The following MTIF2 variants were observed in gnomAD, a reference collection of about 807,000 sequenced individuals.
MTIF2 encodes the protein mitochondrial translational initiation factor 2, also known as translation initiation factor IF-2, mitochondrial.
Under a neutral mutation model 83.5 loss-of-function variants are expected in MTIF2, and 71 were observed. The observed-to-expected ratio is 0.85, with a 90% CI of 0.70 to 1.04. The LOEUF is 1.04. Ranked by LOEUF, MTIF2 falls within the 50% of genes least tolerant of loss-of-function variation. The probability of loss-of-function intolerance (pLI) is 0.00; values close to 1 mark genes in which losing one functional copy is unlikely to be tolerated. For synonymous variants in MTIF2, 319 were observed against 287.1 expected (o/e 1.11, Z -1.12); for missense variants, 957 against 846.5 (o/e 1.13, Z -1.62).
chr2:55,256,242 C>T (rs1465021282), intron 5 of MTIF2, among the ~76,000 whole-genome samples: 2 of 151,486 alleles, frequency 1.3e-5, no homozygotes, highest in Non-Finnish European at 2.9e-5. Context: ...GAATCCACAC[C>T]TAAAATAAAT....
intron 6 of MTIF2, 44 bp from the exon 7 acceptor site, chr2:55,254,245 A>C (rs1573894090): frequency 1.3e-5 from 21 of 1,593,384 alleles, no homozygotes; most frequent in Non-Finnish European, 1.6e-5. Context: ...AATATCAGAA[A>C]TACTTTATAG....
rs1676521781 is a variant in MTIF2, at chr2:55,244,123, G to A, written c.1217C>T (p.Thr406Ile). 2 of 1,614,054 alleles carry A rather than the reference G, an allele frequency of 1.2e-6. No homozygotes were observed. The highest frequency in any genetic ancestry group is 8.5e-7 in the Non-Finnish European group (1 of 1,179,986). Residue 406 changes from threonine (T) to isoleucine (I), a missense_variant, in exon 11 of 16, where the codon ACA becomes ATA. Thr to Ile is a moderately conservative substitution (Grantham distance 89). Around this residue, in one of 3 missense-constraint regions of MTIF2, gnomAD observed 733 missense variants for 648.7 expected, o/e 1.13. Coordinates refer to ENST00000263629, the MANE Select transcript of MTIF2 (RefSeq NM_002453.3). ...VRLMFDENGKTIDEAYPSMPV... is the reference protein window; with the variant it reads ...VRLMFDENGKIIDEAYPSMPV... ...CATGCTGGGATAGGCCTCATCAATT[G>A]TTTTTCCATTTTCATCAAACATTAA...
At chr2:55,251,302 T>C (rs919550411) in intron 8 of MTIF2, among the ~76,000 whole-genome samples, 3 of 152,058 alleles carry the variant, frequency 2.0e-5, no homozygotes, top group Non-Finnish European at 4.4e-5. Flanking sequence ...CTAGAATCAT[T>C]AAGAACATAG....
chr2:55,247,354 C>G (rs545234106), intron 9 of MTIF2, among the ~76,000 whole-genome samples: 2 of 152,238 alleles, frequency 1.3e-5, no homozygotes, highest in African/African-American at 4.8e-5. Context: ...GTTAGGAGTT[C>G]AAGACCAGCC....
chr2:55,263,008 T>G (rs1678153168), intron 4 of MTIF2, among the ~76,000 whole-genome samples: 1 of 152,236 alleles, frequency 6.6e-6, no homozygotes, highest in Admixed American at 6.5e-5. Context: ...ATTACAGGCG[T>G]GAGCCACCAC....
At chr2:55,256,322 ACAC>A (rs772633158) in intron 5 of MTIF2, among the ~76,000 whole-genome samples, 3 of 148,600 alleles carry the variant, frequency 2.0e-5, no homozygotes, top group African/African-American at 7.9e-5. Context: ...ACACACACAC[ACAC>A]ACAATATATA....
At chr2:55,249,849 T>C (rs528217966) in intron 8 of MTIF2, among the ~76,000 whole-genome samples, 1 of 152,174 alleles carries the variant, frequency 6.6e-6, no homozygotes, top group South Asian at 2.1e-4. Context: ...CCTAGCACTT[T>C]GGGAAGCTGA....
intron 1 of MTIF2, 111 bp downstream of exon 1, chr2:55,269,058 C>T (rs1279078176): frequency 1.3e-5 from 2 of 152,254 alleles, no homozygotes; most frequent in Non-Finnish European, 2.9e-5. Flanking sequence ...TCCGAACGCA[C>T]AATGTTTATG....
chr2:55,254,703 T>A lies in MTIF2; in HGVS notation c.454A>T (p.Ser152Cys), dbSNP rs1229543498. The change falls in exon 6 of 16, where the codon AGT becomes TGT. Residue 152 changes from serine (S) to cysteine (C), a missense_variant. Coordinates refer to ENST00000263629, the MANE Select transcript of MTIF2 (RefSeq NM_002453.3). ...CTGACTTTGTCCTGTTTTAATTTAC[T>A]CCACTTTAACTTCATCCCTGCCTTC... ...ITKAGMKLKW[S>C]KLKQDKVRKN... 6.2e-7 allele frequency: 1 copy of A among 1,608,984 alleles called. No individual in the cohort carries two copies. The highest frequency in any genetic ancestry group is 1.7e-5 in the Admixed American group (1 of 58,994).
intron 8 of MTIF2, 132 bp downstream of exon 8, chr2:55,252,342 AATT>A: frequency 5.3e-6 from 4 of 759,760 alleles, no homozygotes; most frequent in Non-Finnish European, 8.4e-6. Context: ...GTGGGAAAAC[AATT>A]TATCTTTGAG....
At chr2:55,252,084 A>G (rs888829231) in intron 8 of MTIF2, among the ~76,000 whole-genome samples, 5 of 152,262 alleles carry the variant, frequency 3.3e-5, no homozygotes, top group Non-Finnish European at 5.9e-5. Flanking sequence ...TCTTTAGAGA[A>G]GAATTCCACA....
intron 12 of MTIF2, 58 bp downstream of exon 12, chr2:55,243,358 G>A: frequency 6.9e-7 from 1 of 1,456,374 alleles, no homozygotes; most frequent in South Asian, 1.3e-5. Context: ...CAAACTATGA[G>A]AATAAAAAAA....
intron 3 of MTIF2, 47 bp from the exon 4 acceptor site, chr2:55,263,912 C>T: frequency 7.1e-7 from 1 of 1,404,914 alleles, no homozygotes; most frequent in Non-Finnish European, 1.0e-6. Context: ...ATCAAGTTAG[C>T]AAATATTAAT....
intron 4 of MTIF2, among the ~76,000 whole-genome samples, chr2:55,262,957 G>T (rs973932171): frequency 6.6e-6 from 1 of 152,206 alleles, no homozygotes; most frequent in Non-Finnish European, 1.5e-5. Context: ...TTGAACTCTT[G>T]ATCTTGTGAT....
intron 8 of MTIF2, 43 bp from the exon 9 acceptor site, chr2:55,249,577 T>G (rs1676946527): frequency 1.2e-6 from 2 of 1,601,560 alleles, no homozygotes; most frequent in African/African-American, 2.7e-5. Flanking sequence ...GATGACACCT[T>G]CAATTCCAGG....
At position 55,246,423 on chromosome 2, in the gene MTIF2, A is replaced by T. The variant is rs772689166; in HGVS notation, c.1020T>A (p.Ala340=). The change falls in exon 10 of 16, where the codon GCT becomes GCA. Residue 340 remains alanine, a synonymous_variant. Transcript: ENST00000263629. The part of the protein sequence containing the change: ...NLMALAEATV[A]LAEMLELKAD... ...CTTTCAATTCTAACATTTCTGCAAGAGCAACTGTTGCTTCTGCCAAAGCCA... is the reference window on the plus strand; with the variant it reads ...CTTTCAATTCTAACATTTCTGCAAGTGCAACTGTTGCTTCTGCCAAAGCCA... 6.2e-7 allele frequency: 1 copy of T among 1,613,910 alleles called. No individual in the cohort carries two copies. Among genetic ancestry groups the T allele is most frequent in the Admixed American group, 1.7e-5 (1 of 60,028 alleles).
intron 12 of MTIF2, 140 bp downstream of exon 12, chr2:55,243,276 C>T: frequency 1.9e-6 from 2 of 1,078,220 alleles, no homozygotes; most frequent in Non-Finnish European, 2.6e-6. Flanking sequence ...ACAACAAAAT[C>T]AGCAAGAAAT....
At chr2:55,246,282 C>T in intron 10 of MTIF2, 55 bp downstream of exon 10, 1 of 1,519,978 alleles carries the variant, frequency 6.6e-7, no homozygotes, top group South Asian at 1.3e-5. Context: ...GTCATATAAT[C>T]AAGTCACGAA....
At chr2:55,256,597 C>T (rs868391198) in intron 5 of MTIF2, among the ~76,000 whole-genome samples, 2 of 150,722 alleles carry the variant, frequency 1.3e-5, no homozygotes, top group Non-Finnish European at 2.9e-5. Flanking sequence ...CCCAGCTACT[C>T]GGGAGGCTGA....
Sources: allele counts gnomAD v4.1 joint callset (sites outside exome capture counted in the v4.1 genomes callset), GRCh38; gene constraint gnomAD v4.1.1; regional missense constraint gnomAD v4.1.1; transcripts MANE v1.5; gene names NCBI Gene and HGNC (gene_info 2026-07-23, HGNC 2026-07-21).